Variants in NEDD4L observed in about 807,000 individuals in gnomAD.
NEDD4L encodes NEDD4 like E3 ubiquitin protein ligase, also known as E3 ubiquitin-protein ligase NEDD4-like.
NEDD4L carries 54 observed loss-of-function variants against 148.9 expected under a neutral mutation model. The observed-to-expected ratio is 0.36, with a 90% CI of 0.29 to 0.45. The LOEUF (loss-of-function observed/expected upper bound fraction) is 0.45. Ranked by LOEUF, NEDD4L falls within the 20% of genes least tolerant of loss-of-function variation. The pLI is 1.00. For synonymous variants in NEDD4L, 433 were observed against 440.7 expected (o/e 0.98, Z 0.22); for missense variants, 856 against 1,233.8 (o/e 0.69, Z 4.59).
chr18:58,330,951 A>C lies in NEDD4L; in HGVS notation c.990+37A>C, dbSNP rs2059739718. 3 of 1,601,132 alleles carry C rather than the reference A, an allele frequency of 1.9e-6. No homozygotes were observed. The East Asian group carries it at 6.7e-5, about 36-fold the overall frequency. On this transcript the variant is annotated intron_variant, in intron 11 of 30. Transcript: ENST00000400345. Reference sequence around the variant, plus strand: ...CCTTGTTTGAAAGAAAAGCTGAGCAATGTTTTATTGTTTTTTGTTGCTTAA... The same window carrying C: ...CCTTGTTTGAAAGAAAAGCTGAGCACTGTTTTATTGTTTTTTGTTGCTTAA...
chr18:58,289,441 C>A (rs1344316027), intron 5 of NEDD4L, among the ~76,000 whole-genome samples: 4 of 152,194 alleles, frequency 2.6e-5, no homozygotes, highest in African/African-American at 9.7e-5. Context: ...AACCAGTGAA[C>A]CAAGCTATTC....
intron 1 of NEDD4L, among the ~76,000 whole-genome samples, chr18:58,138,002 C>T (rs888460569): frequency 1.3e-5 from 2 of 152,198 alleles, no homozygotes; most frequent in African/African-American, 2.4e-5. Context: ...GGCCCAGAGC[C>T]GTCCAGGTGG....
chr18:58,159,470 T>G (rs1401674981), intron 1 of NEDD4L, among the ~76,000 whole-genome samples: 1 of 152,052 alleles, frequency 6.6e-6, no homozygotes, highest in Non-Finnish European at 1.5e-5. Context: ...GGGGAGGCTG[T>G]GAGTGTGTCG....
chr18:58,340,907 G>A, intron 13 of NEDD4L, 131 bp from the exon 14 acceptor site: 1 of 889,818 alleles, frequency 1.1e-6, no homozygotes, highest in South Asian at 1.8e-5. Flanking sequence ...ACACTTGTAA[G>A]TGTTTTCTAT....
At chr18:58,075,850 AT>A (rs1368404372) in intron 1 of NEDD4L, among the ~76,000 whole-genome samples, 1 of 152,024 alleles carries the variant, frequency 6.6e-6, no homozygotes, top group Non-Finnish European at 1.5e-5. Flanking sequence ...GATTGCTTGA[AT>A]CCAGGAAATT....
At chr18:58,134,253 G>A (rs1037972203) in intron 1 of NEDD4L, among the ~76,000 whole-genome samples, 13 of 152,036 alleles carry the variant, frequency 8.6e-5, no homozygotes, top group Admixed American at 1.3e-4. Flanking sequence ...CATCCGCCTC[G>A]GGCTCCCAAA....
In NEDD4L at chr18:58,323,323, G is replaced by A; in HGVS notation, c.502G>A (p.Asp168Asn). 2.5e-6 allele frequency: 4 copies of A among 1,584,790 alleles called. No individual in the cohort carries two copies. Among genetic ancestry groups the A allele is most frequent in the Non-Finnish European group, 3.4e-6 (4 of 1,160,830 alleles). The change falls in exon 8 of 31, where the codon GAT becomes AAT. Residue 168 changes from aspartate to asparagine, a missense_variant. Asp to Asn is a conservative substitution (Grantham distance 23). Transcript: ENST00000400345. The part of the protein sequence containing the change: ...GQDEENSDQR[D>N]DMEHGWEVVD... ...AGATGAAGAAAACAGTGACCAGAGG[G>A]ATGACATGGAGGTACGTGGAGGGCG...
At chr18:58,367,321 C>CGTAT in intron 21 of NEDD4L, 3 of 164,800 alleles carry the variant, frequency 1.8e-5, no homozygotes, top group Admixed American at 5.9e-5. Context: ...AGGGTTGGGC[C>CGTAT]CATAGCAAAC....
chr18:58,092,987 A>C (rs1002428959), intron 1 of NEDD4L, among the ~76,000 whole-genome samples: 21 of 151,726 alleles, frequency 1.4e-4, no homozygotes, highest in African/African-American at 4.8e-4. Context: ...CAGCCTTCCG[A>C]GTAGCTGGGA....
intron 2 of NEDD4L, among the ~76,000 whole-genome samples, chr18:58,203,644 A>G (rs1387645906): frequency 2.0e-5 from 3 of 151,308 alleles, no homozygotes; most frequent in Non-Finnish European, 4.4e-5. Flanking sequence ...TATGTTAGCT[A>G]TACCCAAATT....
chr18:58,261,475 T>C (rs2049372092), intron 5 of NEDD4L, among the ~76,000 whole-genome samples: 3 of 152,246 alleles, frequency 2.0e-5, no homozygotes. Context: ...ATGTCTTATT[T>C]TAAGATACTG....
At chr18:58,289,995 G>A (rs1475977239) in intron 5 of NEDD4L, among the ~76,000 whole-genome samples, 1 of 152,102 alleles carries the variant, frequency 6.6e-6, no homozygotes, top group East Asian at 1.9e-4. Flanking sequence ...ATGTAGCCAT[G>A]AAAAAATGAT....
intron 13 of NEDD4L, among the ~76,000 whole-genome samples, chr18:58,339,128 T>G (rs1296034020): frequency 2.2e-3 from 191 of 88,290 alleles, no homozygotes; most frequent in South Asian, 2.9e-3. Context: ...CCAGGGGGAG[T>G]GGGGAGTTAT....
At chr18:58,161,994 C>T (rs1261957638) in intron 1 of NEDD4L, among the ~76,000 whole-genome samples, 2 of 152,146 alleles carry the variant, frequency 1.3e-5, no homozygotes, top group African/African-American at 4.8e-5. Flanking sequence ...GAATAGCTAG[C>T]ATGTTTGTAA....
chr18:58,330,662 T>A, intron 10 of NEDD4L, 76 bp from the exon 11 acceptor site: 1 of 1,208,626 alleles, frequency 8.3e-7, no homozygotes, highest in Non-Finnish European at 1.1e-6. Flanking sequence ...CTATTGTTGT[T>A]ACATGGTTTC....
At chr18:58,324,509 C>G (rs80257835) in intron 8 of NEDD4L, among the ~76,000 whole-genome samples, 19 of 152,294 alleles carry the variant, frequency 1.2e-4, no homozygotes, top group African/African-American at 3.8e-4. Flanking sequence ...GCCTCTGGTC[C>G]CCTGTGCCAT....
At chr18:58,384,658 T>C (rs1438154856) in intron 25 of NEDD4L, among the ~76,000 whole-genome samples, 1 of 152,186 alleles carries the variant, frequency 6.6e-6, no homozygotes, top group African/African-American at 2.4e-5. Flanking sequence ...AAAAGTATAA[T>C]TGAAATCACC....
At chr18:58,144,294 A>C (rs1011904378) in intron 1 of NEDD4L, among the ~76,000 whole-genome samples, 2 of 152,132 alleles carry the variant, frequency 1.3e-5, no homozygotes, top group East Asian at 1.9e-4. Flanking sequence ...GGGAGGCCTC[A>C]GGAAGCTTCT....
At chr18:58,099,672 G>A (rs2084636923) in intron 1 of NEDD4L, among the ~76,000 whole-genome samples, 1 of 152,160 alleles carries the variant, frequency 6.6e-6, no homozygotes, top group Non-Finnish European at 1.5e-5. Flanking sequence ...AAAACCAGGA[G>A]GTCTGCTTCA....
Sources: allele counts gnomAD v4.1 joint callset (sites outside exome capture counted in the v4.1 genomes callset), GRCh38; gene constraint gnomAD v4.1.1; transcripts MANE v1.5; gene names NCBI Gene and HGNC (gene_info 2026-07-23, HGNC 2026-07-21).